Variants in ASTN2 observed in about 807,000 individuals in gnomAD.
ASTN2 encodes astrotactin 2, also known as astrotactin-2.
A neutral mutation model predicts 139.8 loss-of-function variants in ASTN2; 54 were observed. The observed-to-expected ratio is 0.39, with a 90% CI of 0.31 to 0.48. The LOEUF (loss-of-function observed/expected upper bound fraction) is 0.48, where lower values mean the gene tolerates loss of function less well. Among genes scored for constraint, ASTN2 ranks in the 20% least tolerant of loss-of-function variants. The pLI is 0.95. For missense variants in ASTN2, 1,565 were observed against 1,725.1 expected, an observed-to-expected ratio of 0.91 and a Z score of 1.64; for synonymous variants, 756 against 719.5, an observed-to-expected ratio of 1.05 and a Z score of -0.81.
At chr9:117,175,870 A>T (rs995627623) in intron 3 of ASTN2, among the ~76,000 whole-genome samples, 1 of 152,178 alleles carries the variant, frequency 6.6e-6, no homozygotes, top group African/African-American at 2.4e-5. Flanking sequence ...AAAACATTGT[A>T]GAATTAAAAT....
intron 13 of ASTN2, among the ~76,000 whole-genome samples, chr9:116,782,577 T>G (rs1210989201): frequency 6.6e-6 from 1 of 152,176 alleles, no homozygotes; most frequent in Non-Finnish European, 1.5e-5. Flanking sequence ...CAGTACTTCT[T>G]CCACTTAGGG....
At chr9:116,956,619 A>G (rs569026996) in intron 10 of ASTN2, among the ~76,000 whole-genome samples, 2 of 152,062 alleles carry the variant, frequency 1.3e-5, no homozygotes, top group South Asian at 4.1e-4. Context: ...TTGAAAAAGC[A>G]ATAAAATGAT....
At chr9:117,154,339 T>C (rs1302517915) in intron 3 of ASTN2, among the ~76,000 whole-genome samples, 1 of 152,014 alleles carries the variant, frequency 6.6e-6, no homozygotes, top group Non-Finnish European at 1.5e-5. Context: ...TCATTATTCA[T>C]GATTACATGC....
intron 19 of ASTN2, among the ~76,000 whole-genome samples, chr9:116,564,450 C>T (rs901397202): frequency 1.3e-5 from 2 of 152,188 alleles, no homozygotes; most frequent in African/African-American, 4.8e-5. Context: ...TGCCTTGCTA[C>T]CCCCATGCTG....
At chr9:116,727,007 A>G (rs950156074) in intron 15 of ASTN2, among the ~76,000 whole-genome samples, 1 of 113,324 alleles carries the variant, frequency 8.8e-6, no homozygotes, top group Non-Finnish European at 1.8e-5. Flanking sequence ...CATTCTCACT[A>G]CACTCAACAC....
At chr9:117,391,082 A>G (rs943164127) in intron 1 of ASTN2, among the ~76,000 whole-genome samples, 4 of 152,180 alleles carry the variant, frequency 2.6e-5, no homozygotes, top group Non-Finnish European at 5.9e-5. Context: ...GGTGGACTGG[A>G]CTAATTTTCT....
chr9:117,186,024 A>C (rs1355937071), intron 3 of ASTN2, among the ~76,000 whole-genome samples: 1 of 152,162 alleles, frequency 6.6e-6, no homozygotes, highest in Non-Finnish European at 1.5e-5. Flanking sequence ...AGAGAATTTC[A>C]AGGTCACACA....
intron 13 of ASTN2, among the ~76,000 whole-genome samples, chr9:116,762,297 C>T (rs1829692853): frequency 6.6e-6 from 1 of 152,156 alleles, no homozygotes; most frequent in South Asian, 2.1e-4. Context: ...CTTGGAAAAT[C>T]CCCTGCATCT....
intron 2 of ASTN2, among the ~76,000 whole-genome samples, chr9:117,284,386 T>C (rs1271484565): frequency 6.6e-6 from 1 of 152,176 alleles, no homozygotes; most frequent in African/African-American, 2.4e-5. Flanking sequence ...ATTACAGGCT[T>C]CAGCCACCGC....
At chr9:116,672,820 G>C (rs1028983027) in intron 16 of ASTN2, among the ~76,000 whole-genome samples, 1 of 152,072 alleles carries the variant, frequency 6.6e-6, no homozygotes, top group Non-Finnish European at 1.5e-5. Context: ...GTGGTGTTGG[G>C]GTTCTGTCTG....
chr9:117,018,717 A>G (rs1433811815), intron 6 of ASTN2, among the ~76,000 whole-genome samples: 2 of 152,090 alleles, frequency 1.3e-5, no homozygotes, highest in African/African-American at 4.8e-5. Flanking sequence ...TTGCTCATCT[A>G]AAAGAGGGTG....
intron 3 of ASTN2, among the ~76,000 whole-genome samples, chr9:117,160,862 C>G (rs148625943): frequency 6.6e-6 from 1 of 152,086 alleles, no homozygotes; most frequent in East Asian, 1.9e-4. Flanking sequence ...GTGAGAGACA[C>G]AGTGGGATGA....
At chr9:117,170,086 A>T (rs1396079874) in intron 3 of ASTN2, among the ~76,000 whole-genome samples, 1 of 152,156 alleles carries the variant, frequency 6.6e-6, no homozygotes, top group Non-Finnish European at 1.5e-5. Flanking sequence ...TGTGAGGACT[A>T]AATATGAAAA....
intron 1 of ASTN2, among the ~76,000 whole-genome samples, chr9:117,386,882 T>C (rs1830413907): frequency 6.6e-6 from 1 of 152,130 alleles, no homozygotes. Flanking sequence ...AGAGCAACAC[T>C]TTGTGTTGTA....
At chr9:116,880,901 A>G (rs1441124337) in intron 10 of ASTN2, among the ~76,000 whole-genome samples, 1 of 152,176 alleles carries the variant, frequency 6.6e-6, no homozygotes, top group East Asian at 1.9e-4. Flanking sequence ...GCAAGTAAAA[A>G]TTTACATGGT....
At chr9:116,506,912 G>A (rs1320028678) in intron 19 of ASTN2, among the ~76,000 whole-genome samples, 1 of 152,080 alleles carries the variant, frequency 6.6e-6, no homozygotes, top group Non-Finnish European at 1.5e-5. Context: ...TGACTCACCT[G>A]CCCTCTCTGG....
At chr9:117,009,749 A>G (rs1490824692) in intron 6 of ASTN2, among the ~76,000 whole-genome samples, 3 of 152,212 alleles carry the variant, frequency 2.0e-5, no homozygotes, top group Non-Finnish European at 2.9e-5. Context: ...GACTCAGTTA[A>G]TAAGAATCAT....
intron 3 of ASTN2, among the ~76,000 whole-genome samples, chr9:117,148,604 C>G (rs1432791013): frequency 6.6e-6 from 1 of 152,188 alleles, no homozygotes; most frequent in East Asian, 1.9e-4. Flanking sequence ...CACTACTCCT[C>G]CCTGCTTTCC....
intron 6 of ASTN2, among the ~76,000 whole-genome samples, chr9:117,038,530 G>A (rs766482475): frequency 6.6e-6 from 1 of 152,098 alleles, no homozygotes; most frequent in Non-Finnish European, 1.5e-5. Flanking sequence ...TGATGGCTAC[G>A]TTTATGGCAT....
Sources: allele counts gnomAD v4.1 joint callset (sites outside exome capture counted in the v4.1 genomes callset), GRCh38; gene constraint gnomAD v4.1.1; transcripts MANE v1.5; gene names NCBI Gene and HGNC (gene_info 2026-07-23, HGNC 2026-07-21).